The following CYP39A1 variants were observed in gnomAD, a reference collection of about 807,000 sequenced individuals.
CYP39A1 encodes the protein cytochrome P450 family 39 subfamily A member 1.
CYP39A1 carries 49 observed loss-of-function variants against 58.1 expected under a neutral mutation model. The observed-to-expected ratio is 0.84, with a 90% CI of 0.67 to 1.07. The LOEUF (loss-of-function observed/expected upper bound fraction) is 1.07, where lower values mean the gene tolerates loss of function less well. Ranked by LOEUF, CYP39A1 falls within the 50% of genes least tolerant of loss-of-function variation. CYP39A1 has a pLI of 0.00. For synonymous variants in CYP39A1, 209 were observed against 187.6 expected, an observed-to-expected ratio of 1.11 and a Z score of -0.93; for missense variants, 531 against 539.4, an observed-to-expected ratio of 0.98 and a Z score of 0.16.
intron 1 of CYP39A1, 95 bp downstream of exon 1, chr6:46,652,311 C>T: frequency 1.6e-6 from 2 of 1,227,796 alleles, no homozygotes; most frequent in Non-Finnish European, 2.2e-6. Flanking sequence ...GGTATGTTCC[C>T]CGTGTTCTAG....
intron 10 of CYP39A1, among the ~76,000 whole-genome samples, chr6:46,554,290 A>G (rs1394878640): frequency 6.6e-6 from 1 of 152,240 alleles, no homozygotes; most frequent in Middle Eastern, 3.2e-3. Flanking sequence ...GTTACAGGCT[A>G]CTATACTGGA....
intron 10 of CYP39A1, among the ~76,000 whole-genome samples, chr6:46,579,146 G>A (rs1254624993): frequency 6.6e-5 from 10 of 151,970 alleles, no homozygotes; most frequent in Admixed American, 5.9e-4. Context: ...GTCTACTTTA[G>A]AGTAAATAAA....
At chr6:46,586,477 T>C in intron 10 of CYP39A1, 3 of 981,374 alleles carry the variant, frequency 3.1e-6, no homozygotes, top group Non-Finnish European at 3.6e-6. Context: ...ACAGATGAGA[T>C]GTTCAAAAAC....
At chr6:46,627,480 G>A (rs528478126) in intron 6 of CYP39A1, among the ~76,000 whole-genome samples, 24 of 151,144 alleles carry the variant, frequency 1.6e-4, no homozygotes, top group Admixed American at 9.9e-4. Flanking sequence ...GTGCAGTGGC[G>A]CAATCTCGGC....
intron 10 of CYP39A1, among the ~76,000 whole-genome samples, chr6:46,573,594 G>A (rs1166689445): frequency 1.3e-5 from 2 of 152,146 alleles, no homozygotes; most frequent in South Asian, 2.1e-4. Flanking sequence ...AGGGCATGCT[G>A]GTAACCACAG....
chr6:46,595,942 T>A, intron 8 of CYP39A1, 45 bp downstream of exon 8: 2 of 1,577,548 alleles, frequency 1.3e-6, no homozygotes, highest in East Asian at 2.3e-5. Flanking sequence ...AATGTGTACT[T>A]TTTTTGTAGA....
In CYP39A1 at chr6:46,551,821, T is replaced by A. The variant is rs1191992850; in HGVS notation, c.1339-1384A>T. On this transcript the variant is annotated intron_variant, in intron 11 of 11. Transcript: ENST00000275016. ...GTGATTTGACGGCCATTTCCTGTAC[T>A]TTCTGGTCACCTGATTTTATAATTT... 3.3e-5 allele frequency among the ~76,000 whole-genome samples: 5 copies of A among 152,156 alleles called. No individual in the cohort carries two copies. The East Asian group carries it at 7.7e-4, about 23-fold the overall frequency.
chr6:46,571,867 C>A (rs1771601908), intron 10 of CYP39A1, among the ~76,000 whole-genome samples: 1 of 151,990 alleles, frequency 6.6e-6, no homozygotes, highest in South Asian at 2.1e-4. Flanking sequence ...TACTTTAATT[C>A]ATTTCTCTTT....
At chr6:46,612,030 A>G (rs570224649) in intron 7 of CYP39A1, among the ~76,000 whole-genome samples, 2 of 152,356 alleles carry the variant, frequency 1.3e-5, no homozygotes, top group East Asian at 3.9e-4. Context: ...CTGCCCCAGA[A>G]TAAGATAGTG....
chr6:46,578,187 G>T (rs1193234578), intron 10 of CYP39A1, among the ~76,000 whole-genome samples: 1 of 151,958 alleles, frequency 6.6e-6, no homozygotes, highest in Non-Finnish European at 1.5e-5. Context: ...TTTAAAGAAT[G>T]AAATTAAGGC....
chr6:46,650,484 C>CTTT (rs567314746), intron 1 of CYP39A1, among the ~76,000 whole-genome samples: 2,294 of 35,200 alleles, frequency 0.065, 667 homozygotes, highest in Non-Finnish European at 0.077. Flanking sequence ...CAGTCATATT[C>CTTT]TTTTTTTTTT....
intron 5 of CYP39A1, among the ~76,000 whole-genome samples, chr6:46,633,941 G>T (rs1454510122): frequency 1.3e-5 from 2 of 152,094 alleles, no homozygotes; most frequent in African/African-American, 4.8e-5. Flanking sequence ...AAACAGAGAC[G>T]CAATACATAA....
At chr6:46,581,874 T>C (rs1772154044) in intron 10 of CYP39A1, among the ~76,000 whole-genome samples, 1 of 152,212 alleles carries the variant, frequency 6.6e-6, no homozygotes, top group South Asian at 2.1e-4. Flanking sequence ...TAATGAAGTA[T>C]CAAAATGAAA....
intron 10 of CYP39A1, among the ~76,000 whole-genome samples, chr6:46,565,978 C>G (rs1388658076): frequency 1.3e-5 from 2 of 152,166 alleles, no homozygotes; most frequent in Non-Finnish European, 2.9e-5. Context: ...ATGGTATTGG[C>G]CTCTATGCAC....
intron 4 of CYP39A1, 23 bp downstream of exon 4, chr6:46,637,806 T>G: frequency 6.2e-7 from 1 of 1,603,940 alleles, no homozygotes; most frequent in Non-Finnish European, 8.5e-7. Context: ...GTCAATGAAT[T>G]AATTATAGGA....
chr6:46,635,086 T>C (rs747917419), intron 5 of CYP39A1, among the ~76,000 whole-genome samples: 1 of 152,198 alleles, frequency 6.6e-6, no homozygotes, highest in African/African-American at 2.4e-5. Context: ...TAGTCCTTTT[T>C]CCTAAGGCCA....
intron 7 of CYP39A1, among the ~76,000 whole-genome samples, chr6:46,621,358 T>C (rs1774944006): frequency 6.6e-6 from 1 of 151,952 alleles, no homozygotes; most frequent in Admixed American, 6.6e-5. Context: ...CTAGGAAAAA[T>C]AAAATCAAGT....
At chr6:46,606,838 A>G (rs1773878834) in intron 7 of CYP39A1, among the ~76,000 whole-genome samples, 1 of 152,308 alleles carries the variant, frequency 6.6e-6, no homozygotes, top group Non-Finnish European at 1.5e-5. Flanking sequence ...TTGAAATTCT[A>G]TTACTTTAGC....
At chr6:46,644,088 A>G (rs1776502715) in intron 1 of CYP39A1, among the ~76,000 whole-genome samples, 1 of 152,130 alleles carries the variant, frequency 6.6e-6, no homozygotes, top group Non-Finnish European at 1.5e-5. Context: ...CATCACCACA[A>G]AGATCTTAAA....
Sources: allele counts gnomAD v4.1 joint callset (sites outside exome capture counted in the v4.1 genomes callset), GRCh38; gene constraint gnomAD v4.1.1; transcripts MANE v1.5; gene names NCBI Gene and HGNC (gene_info 2026-07-23, HGNC 2026-07-21).